Variants in ZNF518B observed in about 807,000 individuals in gnomAD.
ZNF518B encodes the protein zinc finger protein 518B.
Under a neutral mutation model 56.3 loss-of-function variants are expected in ZNF518B, and 23 were observed. The ratio of observed to expected loss-of-function variants is 0.41; its 90% CI spans 0.29 to 0.58. The LOEUF is 0.58. ZNF518B is among the 20% of genes least tolerant of loss of function. The pLI is 0.32. For synonymous variants in ZNF518B, 529 were observed against 465.9 expected, an observed-to-expected ratio of 1.14 and a Z score of -1.74; for missense variants, 1,460 against 1,272.1, an observed-to-expected ratio of 1.15 and a Z score of -2.25.
chr4:10,456,082 T>A (rs548322381), intron 1 of ZNF518B, among the ~76,000 whole-genome samples: 38 of 152,332 alleles, frequency 2.5e-4, no homozygotes, highest in Non-Finnish European at 4.6e-4. Context: ...AGGTTTGTCT[T>A]AATTCTTGGT....
At chr4:10,453,751 T>A (rs1225570692) in intron 2 of ZNF518B, 1 of 151,882 alleles carries the variant, frequency 6.6e-6, no homozygotes, top group East Asian at 1.9e-4. Flanking sequence ...GCCTTAAAAA[T>A]TTGCAGAAAG....
rs35322882 is a variant in ZNF518B, at chr4:10,441,439, GA to G, written c.*1664del. ...ACTGGAATCTAAGACTTTCCCATGT[GA>G]AAAAAAAAAAAAAAAATCAAAGTCT... On this transcript the variant is annotated 3_prime_UTR_variant, in exon 3 of 3. Coordinates refer to ENST00000326756, the MANE Select transcript of ZNF518B (RefSeq NM_053042.3). 112 of 140,084 alleles carry G rather than the reference GA, an allele frequency of 8.0e-4. No individual in the cohort carries two copies. The highest frequency in any genetic ancestry group is 2.0e-3 in the African/African-American group (75 of 37,526). 8.7% of individuals were successfully genotyped at this position (140,084 alleles called of 1,614,324 possible).
rs769143111 is a variant in ZNF518B, at chr4:10,443,668, A to G, written c.2661T>C (p.Ser887=). The change falls in exon 3 of 3, where the codon AGT becomes AGC. Residue 887 remains serine (S), a synonymous_variant. Transcript: ENST00000326756. ...GRLLSRSLSI[S]RNKTKQVHLS... is the part of the protein sequence containing the mutation. ...AGTGTACTTGTTTGGTTTTATTTCT[A>G]CTTATAGAAAGACTTCTGGAAAGCA... The G allele has an allele frequency of 6.2e-7, 1 of 1,613,884 alleles. No homozygotes were observed. Among genetic ancestry groups the G allele is most frequent in the South Asian group, 1.1e-5 (1 of 91,064 alleles).
upstream of ZNF518B, among the ~76,000 whole-genome samples, chr4:10,459,500 G>A (rs1005574261): frequency 6.6e-6 from 1 of 152,066 alleles, no homozygotes; most frequent in African/African-American, 2.4e-5. Context: ...ATACGTTGAA[G>A]CGCTAATATC....
At chr4:10,452,573 G>A (rs1296923475) in intron 2 of ZNF518B, 1 of 152,210 alleles carries the variant, frequency 6.6e-6, no homozygotes, top group African/African-American at 2.4e-5. Flanking sequence ...TGTTGCCTCA[G>A]AAACAGCTTT....
chr4:10,459,091 T>A (rs1715662608), upstream of ZNF518B, among the ~76,000 whole-genome samples: 1 of 152,186 alleles, frequency 6.6e-6, no homozygotes, highest in Non-Finnish European at 1.5e-5. Context: ...GAACCTCAGT[T>A]TCTCATGTAA....
chr4:10,440,879 A>C lies in ZNF518B; in HGVS notation c.*2225T>G, dbSNP rs928890172. 3.9e-5 allele frequency: 6 copies of C among 152,520 alleles called. No homozygotes were observed. Among genetic ancestry groups the C allele is most frequent in the East Asian group, 3.8e-4 (2 of 5,202 alleles). The allele number at this position is 152,520 out of a possible 1,614,324, so 9.4% of individuals were successfully genotyped here. A position where few individuals can be genotyped will look rare whatever the true frequency, so the allele number is the denominator to read the frequency against. ...GGCAAACAAAACAAAACAAAAAAAA[A>C]CCACAGCCTTTTCTTCACTCCTCTC... On this transcript the variant is annotated 3_prime_UTR_variant, in exon 3 of 3. Coordinates refer to ENST00000326756, the MANE Select transcript of ZNF518B (RefSeq NM_053042.3).
intron 2 of ZNF518B, chr4:10,453,645 G>A (rs1008157887): frequency 2.6e-5 from 4 of 152,010 alleles, no homozygotes; most frequent in East Asian, 1.9e-4. Context: ...AGTATCACAC[G>A]GCATATTACA....
At chr4:10,455,853 T>A (rs1715504308) in intron 1 of ZNF518B, among the ~76,000 whole-genome samples, 1 of 152,238 alleles carries the variant, frequency 6.6e-6, no homozygotes, top group South Asian at 2.1e-4. Context: ...GATATCAATA[T>A]CACACAATTT....
chr4:10,457,564 C>T (rs902526501), upstream of ZNF518B, among the ~76,000 whole-genome samples: 3 of 152,262 alleles, frequency 2.0e-5, no homozygotes, highest in Non-Finnish European at 2.9e-5. Context: ...CCAGCCGAGC[C>T]CCACTTCTGG....
chr4:10,454,032 T>C (rs13140527), intron 2 of ZNF518B: 42,818 of 152,200 alleles, frequency 0.28, 7,206 homozygotes, highest in Non-Finnish European at 0.39. Context: ...TTTAAAAGCT[T>C]CCCAGGTGAT....
Position 10,444,173 on chromosome 4 carries a change from T to C in ZNF518B, c.2156A>G (p.His719Arg), listed in dbSNP as rs1714840784. The C allele has an allele frequency of 1.2e-6, 2 of 1,614,262 alleles. No homozygotes were observed. The highest frequency in any genetic ancestry group is 4.5e-5 in the East Asian group (2 of 44,882). Residue 719 changes from histidine to arginine, a missense_variant, in exon 3 of 3, where the codon CAT becomes CGT. Physicochemically the swap from His to Arg is conservative, Grantham distance 29. Coordinates refer to ENST00000326756, the MANE Select transcript of ZNF518B (RefSeq NM_053042.3). ...AGGTTTCTGAAGAGTACCTGTGGAA[T>C]GGCCAAGACCAGTGAGTGACACGTT... Reference protein sequence around the residue: ...EINVSLTGLGHSTGTLQKPPN... With the variant: ...EINVSLTGLGRSTGTLQKPPN...
rs1257813402 is a variant in ZNF518B, at chr4:10,445,941, A to G, written c.388T>C (p.Phe130Leu). The G allele has an allele frequency of 6.2e-7, 1 of 1,614,230 alleles. No individual in the cohort carries two copies. The highest frequency in any genetic ancestry group is 2.2e-5 in the East Asian group (1 of 44,894). ...TCACAATAGTATTTGCCTGGCTTAAAGTTCCTTACCTTAAATTTGCTATTG... is the reference window on the plus strand; with the variant it reads ...TCACAATAGTATTTGCCTGGCTTAAGGTTCCTTACCTTAAATTTGCTATTG... ...SVNSKFKVRN[F>L]KPGKYYCDKC... Residue 130 changes from phenylalanine (F) to leucine (L), a missense_variant, in exon 3 of 3, where the codon TTT (phenylalanine) becomes CTT (leucine). Physicochemically the swap from Phe to Leu is conservative, Grantham distance 22. Transcript: ENST00000326756.
Position 10,442,470 on chromosome 4 carries a change from A to C in ZNF518B, c.*634T>G, listed in dbSNP as rs1037120483. Reference sequence around the variant, plus strand: ...TCTTTCTTCTAACACTTGCTGTGAAAGGAGTAAATTCAGGCAAGCAGTTGA... The same window carrying C: ...TCTTTCTTCTAACACTTGCTGTGAACGGAGTAAATTCAGGCAAGCAGTTGA... On this transcript the variant is annotated 3_prime_UTR_variant, in exon 3 of 3. Coordinates refer to ENST00000326756, the MANE Select transcript of ZNF518B (RefSeq NM_053042.3). The C allele has an allele frequency of 2.0e-5, 3 of 152,246 alleles. No homozygotes were observed. Among genetic ancestry groups the C allele is most frequent in the African/African-American group, 4.8e-5 (2 of 41,460 alleles). 9.4% of individuals were successfully genotyped at this position (152,246 alleles called of 1,614,324 possible). A position where few individuals can be genotyped will look rare whatever the true frequency, so the allele number is the denominator to read the frequency against.
upstream of ZNF518B, among the ~76,000 whole-genome samples, chr4:10,460,797 A>G (rs536999117): frequency 3.3e-5 from 5 of 152,324 alleles, no homozygotes; most frequent in East Asian, 1.9e-4. Flanking sequence ...CCCGAATATT[A>G]TATGACTTGA....
chr4:10,444,939 G>T lies in ZNF518B; in HGVS notation c.1390C>A (p.Gln464Lys), dbSNP rs1006294224. 9.3e-6 allele frequency: 15 copies of T among 1,607,560 alleles called. No individual in the cohort carries two copies. Among genetic ancestry groups the T allele is most frequent in the Non-Finnish European group, 9.3e-6 (11 of 1,178,222 alleles). ...TGTGGATACAAATTATTTTTTTTCT[G>T]AAAATCCTCAATTGTTTCCGAATTA... ...FINSETIEDF[Q>K]KKNNLYPHRT... Residue 464 changes from glutamine (Q) to lysine (K), a missense_variant, in exon 3 of 3, where the codon CAG becomes AAG. Gln to Lys is a moderately conservative substitution (Grantham distance 53, BLOSUM62 1). Transcript: ENST00000326756.
intron 1 of ZNF518B, among the ~76,000 whole-genome samples, chr4:10,455,694 G>A (rs1158867095): frequency 1.3e-5 from 2 of 152,068 alleles, no homozygotes; most frequent in Non-Finnish European, 2.9e-5. Flanking sequence ...AATAAATAAA[G>A]GAATGCCATC....
chr4:10,447,196 A>T (rs1429323798), intron 2 of ZNF518B, among the ~76,000 whole-genome samples: 8 of 152,328 alleles, frequency 5.3e-5, no homozygotes, highest in Admixed American at 2.0e-4. Flanking sequence ...CTGGTGATGC[A>T]CACACTGCAC....
In ZNF518B at chr4:10,445,183, A is replaced by C; in HGVS notation, c.1146T>G (p.Ser382=). ...LEAGRDNGGN[S]ERMVKEKGSN... ...AACCCTTCTCTTTCACCATACGTTC[A>C]GAATTACCTCCATTATCCCTCCCAG... The change falls in exon 3 of 3, where the codon TCT becomes TCG. Residue 382 remains serine (S), a synonymous_variant. Transcript: ENST00000326756. 6.2e-7 allele frequency: 1 copy of C among 1,614,240 alleles called. No homozygotes were observed. The highest frequency in any genetic ancestry group is 1.1e-5 in the South Asian group (1 of 91,086).
Sources: gnomAD v4.1 joint callset for allele counts (sites outside exome capture counted in the v4.1 genomes callset) on GRCh38, gnomAD v4.1.1 for gene constraint, MANE v1.5 for transcripts, NCBI Gene and HGNC (gene_info 2026-07-23, HGNC 2026-07-21) for gene names.